SYNE1: variants seen among roughly 807,000 people sequenced by gnomAD.
The protein encoded by SYNE1 is spectrin repeat containing nuclear envelope protein 1.
In SYNE1, 616 loss-of-function variants were observed where a neutral mutation model predicts 1,111.0. The observed-to-expected ratio is 0.55, with a 90% CI of 0.52 to 0.59. SYNE1 has a LOEUF of 0.59. Among genes scored for constraint, SYNE1 ranks in the 20% least tolerant of loss-of-function variants. The pLI, the probability that SYNE1 is intolerant of heterozygous loss-of-function variation, is 0.00. For synonymous variants in SYNE1, 3,855 were observed against 3,825.8 expected, an observed-to-expected ratio of 1.01 and a Z score of -0.28; for missense variants, 10,006 against 10,417.0, an observed-to-expected ratio of 0.96 and a Z score of 1.72.
chr6:152,630,225 T>C (rs1332675076), intron 2 of SYNE1, among the ~76,000 whole-genome samples: 1 of 152,090 alleles, frequency 6.6e-6, no homozygotes, highest in Non-Finnish European at 1.5e-5. Flanking sequence ...ATTACTAACT[T>C]AGCAAGACAT....
intron 63 of SYNE1, 41 bp from the exon 64 acceptor site, chr6:152,362,364 T>A: frequency 6.2e-7 from 1 of 1,613,596 alleles, no homozygotes; most frequent in Non-Finnish European, 8.5e-7. Context: ...ACATTGAGAA[T>A]CCTTAGGAGT....
At chr6:152,539,855 T>A in intron 4 of SYNE1, 105 bp downstream of exon 4, 1 of 1,233,260 alleles carries the variant, frequency 8.1e-7, no homozygotes, top group Non-Finnish European at 1.2e-6. Flanking sequence ...GTATCATTGA[T>A]TCGCAACAGT....
intron 14 of SYNE1, among the ~76,000 whole-genome samples, chr6:152,477,265 T>G (rs766973684): frequency 6.6e-6 from 1 of 151,784 alleles, no homozygotes; most frequent in Non-Finnish European, 1.5e-5. Context: ...CTGGTAACAG[T>G]TGAGATGATG....
At chr6:152,292,296 T>G (rs188686409) in intron 95 of SYNE1, among the ~76,000 whole-genome samples, 1 of 152,280 alleles carries the variant, frequency 6.6e-6, no homozygotes, top group Admixed American at 6.5e-5. Flanking sequence ...TGGTCTGGTC[T>G]TGGATAACAA....
At position 152,483,093 on chromosome 6, in the gene SYNE1, G is replaced by T; in HGVS notation, c.1342C>A (p.Gln448Lys). ...CCAACCAGAATTTTTACCTTATGTTGCTCAAGTTTCCGTTGTATCGTGTTT... is the reference window on the plus strand; with the variant it reads ...CCAACCAGAATTTTTACCTTATGTTTCTCAAGTTTCCGTTGTATCGTGTTT... ...TANTIQRKLE[Q>K]HKDLLQNTDA... The change falls in exon 14 of 146, where the codon CAA becomes AAA. Residue 448 changes from glutamine to lysine, a missense_variant. Physicochemically the swap from Gln to Lys is moderately conservative, Grantham distance 53. Coordinates refer to ENST00000367255, the MANE Select transcript of SYNE1 (RefSeq NM_182961.4). 1 of 1,614,154 alleles carries T rather than the reference G, an allele frequency of 6.2e-7. No homozygotes were observed. Among genetic ancestry groups the T allele is most frequent in the African/African-American group, 1.3e-5 (1 of 75,042 alleles).
chr6:152,242,853 G>A (rs750884772), intron 106 of SYNE1, among the ~76,000 whole-genome samples: 4 of 151,792 alleles, frequency 2.6e-5, no homozygotes, highest in Admixed American at 2.6e-4. Context: ...TCACTGAAAG[G>A]ATAAAATAAA....
intron 14 of SYNE1, among the ~76,000 whole-genome samples, chr6:152,476,164 T>A (rs1008580298): frequency 1.4e-4 from 22 of 152,280 alleles, no homozygotes; most frequent in Middle Eastern, 3.4e-3. Context: ...AATTTTTATC[T>A]CCAAGCTGTA....
intron 70 of SYNE1, 62 bp downstream of exon 70, chr6:152,351,965 C>T: frequency 1.3e-6 from 2 of 1,518,534 alleles, no homozygotes; most frequent in Non-Finnish European, 1.8e-6. Flanking sequence ...CAAGAATCAC[C>T]TCCCTCCCAT....
intron 3 of SYNE1, among the ~76,000 whole-genome samples, chr6:152,626,754 A>C (rs952672801): frequency 6.6e-6 from 1 of 152,224 alleles, no homozygotes; most frequent in Non-Finnish European, 1.5e-5. Context: ...GGGTCACTTG[A>C]ACACAGAAGC....
Position 152,333,992 on chromosome 6 carries a change from G to C in SYNE1, c.12794+16C>G. ...TGGCTTAGCATTTTGGTGACCCATG[G>C]GAGAATTTCTGTTACCTGGCCAAGT... On this transcript the variant is annotated intron_variant, in intron 77 of 145. Transcript: ENST00000367255. 6.2e-7 allele frequency: 1 copy of C among 1,614,058 alleles called. No homozygotes were observed. Among genetic ancestry groups the C allele is most frequent in the Non-Finnish European group, 8.5e-7 (1 of 1,179,998 alleles).
intron 21 of SYNE1, 76 bp downstream of exon 21, chr6:152,461,521 G>T (rs2098733964): frequency 2.5e-6 from 4 of 1,580,174 alleles, no homozygotes; most frequent in Non-Finnish European, 3.5e-6. Flanking sequence ...TTGCCCATGG[G>T]GAGAAGGAGG....
In SYNE1 at chr6:152,155,920, T is replaced by A; in HGVS notation, c.23968A>T (p.Arg7990Trp). ...AGCATCCCAGCTCACTTCAGCCTCC[T>A]TTCCATGGACATAGCACAAATGTTT... ...WRNICAMSME[R>W]RLKIEETWRL... Residue 7990 changes from arginine (R) to tryptophan (W), a missense_variant, in exon 132 of 146, where the codon AGG (arginine) becomes TGG (tryptophan). By Grantham distance (101) the Arg-to-Trp change is moderately radical. Coordinates refer to ENST00000367255, the MANE Select transcript of SYNE1 (RefSeq NM_182961.4). 1 of 1,614,084 alleles carries A rather than the reference T, an allele frequency of 6.2e-7. No individual in the cohort carries two copies.
At position 152,143,762 on chromosome 6, in the gene SYNE1, T is replaced by C; in HGVS notation, c.24980A>G (p.Asp8327Gly). 6.2e-7 allele frequency: 1 copy of C among 1,614,188 alleles called. No individual in the cohort carries two copies. The highest frequency in any genetic ancestry group is 2.2e-5 in the East Asian group (1 of 44,882). Residue 8327 changes from aspartate (D) to glycine (G), a missense_variant, in exon 138 of 146, where the codon GAC (aspartate) becomes GGC (glycine). Coordinates refer to ENST00000367255, the MANE Select transcript of SYNE1 (RefSeq NM_182961.4). ...GATCTGTGACTCTAGGGCACTGTGG[T>C]CCCCTGCGGTGGCAACCATAAGAAT... ...YLRGAVGLSG[D>G]HSALESQIRQ...
At chr6:152,617,324 G>A (rs2099658737) in intron 3 of SYNE1, among the ~76,000 whole-genome samples, 2 of 152,126 alleles carry the variant, frequency 1.3e-5, no homozygotes, top group African/African-American at 2.4e-5. Flanking sequence ...TTAATTATAT[G>A]TGTTTGTTTT....
In SYNE1 at chr6:152,628,570, G is replaced by A; in HGVS notation, c.-223-16C>T. Reference sequence around the variant, plus strand: ...ACTCAAGAACCTGAAAAACAAAAAAGAAAAGGTACAACATAAAAAAAAAAT... The same window carrying A: ...ACTCAAGAACCTGAAAAACAAAAAAAAAAAGGTACAACATAAAAAAAAAAT... On this transcript the variant is annotated splice_polypyrimidine_tract_variant and intron_variant, in intron 2 of 145. Transcript: ENST00000367255. The A allele has an allele frequency of 1.1e-5, 6 of 529,110 alleles. No individual in the cohort carries two copies. Among genetic ancestry groups the A allele is most frequent in the South Asian group, 2.5e-5 (1 of 40,222 alleles). 32.8% of individuals were successfully genotyped at this position (529,110 alleles called of 1,614,324 possible).
intron 98 of SYNE1, among the ~76,000 whole-genome samples, chr6:152,274,449 T>A (rs2093433714): frequency 6.6e-6 from 1 of 152,140 alleles, no homozygotes; most frequent in African/African-American, 2.4e-5. Context: ...TCCCTGTTTG[T>A]CTATGTCTTT....
At chr6:152,460,985 G>T (rs1415248147) in intron 21 of SYNE1, among the ~76,000 whole-genome samples, 1 of 151,566 alleles carries the variant, frequency 6.6e-6, no homozygotes, top group East Asian at 1.9e-4. Flanking sequence ...GCTAATTTTT[G>T]TATTTTTAAG....
At chr6:152,437,044 G>A (rs903661543) in intron 32 of SYNE1, among the ~76,000 whole-genome samples, 3 of 151,972 alleles carry the variant, frequency 2.0e-5, no homozygotes, top group African/African-American at 7.3e-5. Flanking sequence ...GTGCATGCCT[G>A]TAGTCCTGGC....
intron 145 of SYNE1, among the ~76,000 whole-genome samples, chr6:152,124,666 C>A (rs1465861140): frequency 1.3e-5 from 2 of 148,342 alleles, no homozygotes; most frequent in African/African-American, 2.5e-5. Context: ...TGTGCTAAGA[C>A]CAATGAGTTA....
Sources: allele counts gnomAD v4.1 joint callset (sites outside exome capture counted in the v4.1 genomes callset), GRCh38; gene constraint gnomAD v4.1.1; transcripts MANE v1.5; gene names NCBI Gene and HGNC (gene_info 2026-07-23, HGNC 2026-07-21).